IL5RA: variants seen among roughly 807,000 people sequenced by gnomAD.
IL5RA encodes interleukin 5 receptor subunit alpha, also known as interleukin-5 receptor subunit alpha.
IL5RA carries 49 observed loss-of-function variants against 50.0 expected under a neutral mutation model. The ratio of observed to expected loss-of-function variants is 0.98; its 90% CI spans 0.78 to 1.24. The LOEUF is 1.24. Among genes scored for constraint, IL5RA ranks in the 50% most tolerant of loss-of-function variants. IL5RA has a pLI of 0.00. For synonymous variants in IL5RA, 202 were observed against 174.0 expected (o/e 1.16, Z -1.26); for missense variants, 600 against 500.4 (o/e 1.20, Z -1.90).
At chr3:3,081,569 G>A (rs577954754) in intron 9 of IL5RA, among the ~76,000 whole-genome samples, 2 of 152,252 alleles carry the variant, frequency 1.3e-5, no homozygotes, top group East Asian at 1.9e-4. Context: ...TCACATTTGG[G>A]TCTCAACTTG....
Position 3,092,593 on chromosome 3 carries a change from G to T in IL5RA, c.856-231C>A, listed in dbSNP as rs549840739. Among the ~76,000 whole-genome samples the T allele has an allele frequency of 6.6e-6, 1 of 152,148 alleles. No homozygotes were observed. Among genetic ancestry groups the T allele is most frequent in the Non-Finnish European group, 1.5e-5 (1 of 68,030 alleles). On this transcript the variant is annotated intron_variant, in intron 8 of 11. Transcript: ENST00000446632. This position sits in a 1 kb window ranked among gnomAD's most constrained non-coding sequence, Gnocchi z 4.2. The stretch of plus-strand genomic sequence containing the variant: ...AACCAAAATATACGAAATGATCAAC[G>T]GTCAAGATCCAGGTGTTCCTATCCA...
chr3:3,071,551 CAGTGTGTGTGTGTGTGTG>C (rs1451417728), intron 11 of IL5RA, among the ~76,000 whole-genome samples: 2 of 126,442 alleles, frequency 1.6e-5, no homozygotes, highest in African/African-American at 6.1e-5. Context: ...TCTTCCTTCA[CAGTGTGTGTGTGTGTGTG>C]TGTGTGTGTG....
Position 3,092,434 on chromosome 3 carries a change from A to C in IL5RA, c.856-72T>G. The C allele has an allele frequency of 7.0e-7, 1 of 1,422,822 alleles. No homozygotes were observed. Among genetic ancestry groups the C allele is most frequent in the Non-Finnish European group, 9.8e-7 (1 of 1,025,224 alleles). 88.1% of individuals were successfully genotyped at this position (1,422,822 alleles called of 1,614,324 possible). On this transcript the variant is annotated intron_variant, in intron 8 of 11. Transcript: ENST00000446632. This position sits in a 1 kb window ranked among gnomAD's most constrained non-coding sequence, Gnocchi z 4.2. ...TAGTTCTGCCGATTATCAGAATGGGAGGTCCTATATAGGTCATGTGACTCA... is the reference window on the plus strand; with the variant it reads ...TAGTTCTGCCGATTATCAGAATGGGCGGTCCTATATAGGTCATGTGACTCA...
At chr3:3,073,476 C>T (rs1574974099) in intron 11 of IL5RA, among the ~76,000 whole-genome samples, 1 of 152,206 alleles carries the variant, frequency 6.6e-6, no homozygotes, top group East Asian at 1.9e-4. Flanking sequence ...TTTCACACTA[C>T]AATGGCAGAG....
At position 3,092,300 on chromosome 3, in the gene IL5RA, A is replaced by G; in HGVS notation, c.918T>C (p.Val306=). The change falls in exon 9 of 12, where the codon GTT becomes GTC. Residue 306 remains valine (V), a synonymous_variant. Transcript: ENST00000446632. The surrounding 1 kb of genome is among the most constrained non-coding windows in gnomAD (Gnocchi z 4.2). ...SIIDDLSKYD[V]QVRAAVSSMC... is the part of the protein sequence containing the mutation. ...TGGAGCTCACTGCTGCTCTCACTTGAACATCGTACTTAGAAAGATCATCAA... is the reference window on the plus strand; with the variant it reads ...TGGAGCTCACTGCTGCTCTCACTTGGACATCGTACTTAGAAAGATCATCAA... The G allele has an allele frequency of 6.2e-7, 1 of 1,614,090 alleles. No individual in the cohort carries two copies. Among genetic ancestry groups the G allele is most frequent in the Non-Finnish European group, 8.5e-7 (1 of 1,180,002 alleles).
chr3:3,102,408 C>G (rs1441718112), intron 4 of IL5RA, among the ~76,000 whole-genome samples: 1 of 152,172 alleles, frequency 6.6e-6, no homozygotes, highest in Non-Finnish European at 1.5e-5. Flanking sequence ...GTACCCAATC[C>G]ATGGTGCCTA....
chr3:3,096,801 G>A (rs1038699740), intron 7 of IL5RA, among the ~76,000 whole-genome samples: 3 of 152,076 alleles, frequency 2.0e-5, no homozygotes, highest in African/African-American at 7.2e-5. Context: ...ATATTCCATT[G>A]GATATAGATA....
chr3:3,079,445 C>G (rs1208016123), intron 9 of IL5RA, among the ~76,000 whole-genome samples: 3 of 152,170 alleles, frequency 2.0e-5, no homozygotes, highest in Admixed American at 6.5e-5. Context: ...AGCCGCTGTC[C>G]CTTCTCCTCA....
chr3:3,073,434 C>T (rs567376751), intron 11 of IL5RA, among the ~76,000 whole-genome samples: 42 of 152,296 alleles, frequency 2.8e-4, no homozygotes, highest in African/African-American at 8.9e-4. Context: ...AGCACAGCCA[C>T]GCTCATTCAT....
Position 3,067,359 on chromosome 3 carries a change from T to C in IL5RA, c.*2866A>G, listed in dbSNP as rs1403598840. ...CAAATACTGTTCAGTCTAACCTATATACAAGGTGCCGTATCAGGGCTGACA... is the reference window on the plus strand; with the variant it reads ...CAAATACTGTTCAGTCTAACCTATACACAAGGTGCCGTATCAGGGCTGACA... On this transcript the variant is annotated 3_prime_UTR_variant, in exon 12 of 12. Coordinates refer to ENST00000446632, the MANE Select transcript of IL5RA (RefSeq NM_175726.4). The C allele has an allele frequency of 6.6e-6, 1 of 152,174 alleles. No homozygotes were observed. Among genetic ancestry groups the C allele is most frequent in the East Asian group, 1.9e-4 (1 of 5,192 alleles). 9.4% of individuals were successfully genotyped at this position (152,174 alleles called of 1,614,324 possible).
intron 8 of IL5RA, among the ~76,000 whole-genome samples, chr3:3,094,360 G>T (rs555281100): frequency 1.3e-5 from 2 of 152,152 alleles, no homozygotes; most frequent in African/African-American, 2.4e-5. Context: ...GAATCAGACA[G>T]TATTTGTCCT....
chr3:3,095,453 G>T lies in IL5RA; in HGVS notation c.710-9C>A, dbSNP rs142666053. On this transcript the variant is annotated splice_polypyrimidine_tract_variant and intron_variant, in intron 7 of 11. Transcript: ENST00000446632. ...TGGAGGATTTATTTGATCTAAGTTAGGGAACGAAAGATCAGTGATTTTTTT... is the reference window on the plus strand; with the variant it reads ...TGGAGGATTTATTTGATCTAAGTTATGGAACGAAAGATCAGTGATTTTTTT... 3,557 of 1,584,602 alleles carry T rather than the reference G, an allele frequency of 2.2e-3. 14 individuals carry two copies. The highest frequency in any genetic ancestry group is 9.2e-3 in the Middle Eastern group (53 of 5,768).
chr3:3,069,927 G>A lies in IL5RA; in HGVS notation c.*298C>T, dbSNP rs1702240354. ...CTGTTGTGAATGAAAAGTCTGAGGT[G>A]AGTCAAGCAAATTGCAAAGATTGGC... On this transcript the variant is annotated 3_prime_UTR_variant, in exon 12 of 12. Coordinates refer to ENST00000446632, the MANE Select transcript of IL5RA (RefSeq NM_175726.4). 3 of 252,914 alleles carry A rather than the reference G, an allele frequency of 1.2e-5. No homozygotes were observed. Among genetic ancestry groups the A allele is most frequent in the Admixed American group, 5.4e-5 (1 of 18,422 alleles). The allele number at this position is 252,914 out of a possible 1,614,324, so 15.7% of individuals were successfully genotyped here.
chr3:3,074,903 A>C, intron 10 of IL5RA, 37 bp from the exon 11 acceptor site: 2 of 1,254,930 alleles, frequency 1.6e-6, no homozygotes. Flanking sequence ...GGTGAGCATG[A>C]GTATACCTTT....
In IL5RA at chr3:3,067,361, C is replaced by A. The variant is rs1702161714; in HGVS notation, c.*2864G>T. On this transcript the variant is annotated 3_prime_UTR_variant, in exon 12 of 12. Transcript: ENST00000446632. ...AATACTGTTCAGTCTAACCTATATA[C>A]AAGGTGCCGTATCAGGGCTGACAGA... 1 of 152,192 alleles carries A rather than the reference C, an allele frequency of 6.6e-6. No individual in the cohort carries two copies. The highest frequency in any genetic ancestry group is 6.5e-5 in the Admixed American group (1 of 15,278). The allele number at this position is 152,192 out of a possible 1,614,324, so 9.4% of individuals were successfully genotyped here. A position where few individuals can be genotyped will look rare whatever the true frequency, so the allele number is the denominator to read the frequency against.
chr3:3,090,177 T>G (rs1328648809), intron 9 of IL5RA: 5 of 1,602,872 alleles, frequency 3.1e-6, no homozygotes, highest in Non-Finnish European at 4.3e-6. Flanking sequence ...ACATGTAATC[T>G]GCTATCCCTG....
In IL5RA at chr3:3,092,114, T is replaced by C; in HGVS notation, c.994+110A>G. 6.7e-7 allele frequency: 1 copy of C among 1,499,250 alleles called. No homozygotes were observed. The highest frequency in any genetic ancestry group is 8.8e-7 in the Non-Finnish European group (1 of 1,131,888). The allele number at this position is 1,499,250 out of a possible 1,614,324, so 92.9% of individuals were successfully genotyped here. On this transcript the variant is annotated intron_variant, in intron 9 of 11. Coordinates refer to ENST00000446632, the MANE Select transcript of IL5RA (RefSeq NM_175726.4). The surrounding 1 kb of genome is among the most constrained non-coding windows in gnomAD (Gnocchi z 4.2). Reference sequence around the variant, plus strand: ...TAGACCGAGAGAAAATTAGTCACAATAGAGATATGAAACCATTTTAAGACC... The same window carrying C: ...TAGACCGAGAGAAAATTAGTCACAACAGAGATATGAAACCATTTTAAGACC...
chr3:3,092,614 A>G lies in IL5RA; in HGVS notation c.856-252T>C, dbSNP rs538803733. ...CAACGGTCAAGATCCAGGTGTTCCTATCCAGGCCCAGCTGATGTTTCCAGA... is the reference window on the plus strand; with the variant it reads ...CAACGGTCAAGATCCAGGTGTTCCTGTCCAGGCCCAGCTGATGTTTCCAGA... On this transcript the variant is annotated intron_variant, in intron 8 of 11. Coordinates refer to ENST00000446632, the MANE Select transcript of IL5RA (RefSeq NM_175726.4). This position sits in a 1 kb window ranked among gnomAD's most constrained non-coding sequence, Gnocchi z 4.2. Among the ~76,000 whole-genome samples the G allele has an allele frequency of 3.3e-5, 5 of 152,348 alleles. No homozygotes were observed. The South Asian group carries it at 6.2e-4, about 19-fold the overall frequency.
Position 3,090,329 on chromosome 3 carries a change from G to A in IL5RA, c.994+1895C>T, listed in dbSNP as rs1703034108. On this transcript the variant is annotated intron_variant, in intron 9 of 11. Transcript: ENST00000446632. Reference sequence around the variant, plus strand: ...TTGTAAAGGCTGAATGTTAAACCTGGGCTTTCTATGTAAGGCTCCAGTCTT... The same window carrying A: ...TTGTAAAGGCTGAATGTTAAACCTGAGCTTTCTATGTAAGGCTCCAGTCTT... 7 of 1,079,218 alleles carry A rather than the reference G, an allele frequency of 6.5e-6. No individual in the cohort carries two copies. In the South Asian group the frequency reaches 8.8e-5, roughly 14 times the overall value. The allele number at this position is 1,079,218 out of a possible 1,614,324, so 66.9% of individuals were successfully genotyped here.
Sources: gnomAD v4.1 joint callset for allele counts (sites outside exome capture counted in the v4.1 genomes callset) on GRCh38, gnomAD v4.1.1 for gene constraint, Gnocchi (gnomAD v3.1) non-coding constraint, MANE v1.5 for transcripts, NCBI Gene and HGNC (gene_info 2026-07-23, HGNC 2026-07-21) for gene names.